CACNG3: variants seen among roughly 807,000 people sequenced by gnomAD.
CACNG3 encodes the protein voltage-dependent calcium channel gamma-3 subunit.
A neutral mutation model predicts 28.5 loss-of-function variants in CACNG3; 3 were observed. The observed-to-expected ratio is 0.11, with a 90% CI of 0.05 to 0.27. CACNG3 has a LOEUF of 0.27. Ranked by LOEUF, CACNG3 falls within the 10% of genes least tolerant of loss-of-function variation. The pLI is 1.00. For synonymous variants in CACNG3, 174 were observed against 162.2 expected, an observed-to-expected ratio of 1.07 and a Z score of -0.55; for missense variants, 236 against 414.4, an observed-to-expected ratio of 0.57 and a Z score of 3.74.
rs557547717 is a variant in CACNG3, at chr16:24,326,152, T to C, written c.212-20582T>C. Among the ~76,000 whole-genome samples, 23 of 146,488 alleles carry C rather than the reference T, an allele frequency of 1.6e-4. No individual in the cohort carries two copies. The South Asian group carries it at 2.7e-3, about 17-fold the overall frequency. On this transcript the variant is annotated intron_variant, in intron 1 of 3. Coordinates refer to ENST00000005284, the MANE Select transcript of CACNG3 (RefSeq NM_006539.4). ...GCCACTCAATGGAAAATAACATTTTTCTTTTTTGTTTTTTCTTTTTTCTTT... is the reference window on the plus strand; with the variant it reads ...GCCACTCAATGGAAAATAACATTTTCCTTTTTTGTTTTTTCTTTTTTCTTT...
Position 24,307,802 on chromosome 16 carries a change from C to G in CACNG3, c.212-38932C>G, listed in dbSNP as rs145702394. On this transcript the variant is annotated intron_variant, in intron 1 of 3. Transcript: ENST00000005284. ...TGCATAACAGAATGGTGGCGTGAAA[C>G]ATGGGGCCAGGGAAGAAATCCTGCC... is the stretch of plus-strand genomic sequence containing the variant. Among the ~76,000 whole-genome samples the G allele has an allele frequency of 2.3e-3, 354 of 152,236 alleles. 2 individuals carry two copies. Among genetic ancestry groups the G allele is most frequent in the African/African-American group, 8.3e-3 (344 of 41,552 alleles).
intron 1 of CACNG3, among the ~76,000 whole-genome samples, chr16:24,330,724 C>T (rs1669781615): frequency 6.6e-6 from 1 of 152,176 alleles, no homozygotes; most frequent in African/African-American, 2.4e-5. Flanking sequence ...CAGCTAAGAC[C>T]CAGGACACTT....
chr16:24,330,771 C>T (rs1899621781), intron 1 of CACNG3, among the ~76,000 whole-genome samples: 1 of 152,180 alleles, frequency 6.6e-6, no homozygotes, highest in Non-Finnish European at 1.5e-5. Context: ...GCTCCAGAAG[C>T]CTCTGTGGTC....
Position 24,256,879 on chromosome 16 carries a change from C to A in CACNG3, c.125C>A (p.Thr42Asn). The A allele has an allele frequency of 6.2e-7, 1 of 1,613,742 alleles. No individual in the cohort carries two copies. Among genetic ancestry groups the A allele is most frequent in the Non-Finnish European group, 8.5e-7 (1 of 1,179,658 alleles). Residue 42 changes from threonine to asparagine, a missense_variant, in exon 1 of 4, where the codon ACT becomes AAT. Thr to Asn is a moderately conservative substitution (Grantham distance 65). Around this residue, in one of 2 missense-constraint regions of CACNG3, gnomAD observed 120 missense variants for 263.4 expected, o/e 0.46. Transcript: ENST00000005284. The surrounding 1 kb of genome is among the most constrained non-coding windows in gnomAD (Gnocchi z 4.6). ...TTATATTCCAGAGGTGTGTGCAGGA[C>A]TAAATCTACAAGTGATAATGAAACC... ...YWLYSRGVCR[T>N]KSTSDNETSR...
chr16:24,288,777 C>A (rs749244998), intron 1 of CACNG3, among the ~76,000 whole-genome samples: 1 of 152,148 alleles, frequency 6.6e-6, no homozygotes, highest in Non-Finnish European at 1.5e-5. Flanking sequence ...GAAAGCAAGG[C>A]TCCCATTTGT....
chr16:24,296,530 A>G (rs1399551789), intron 1 of CACNG3, among the ~76,000 whole-genome samples: 1 of 131,302 alleles, frequency 7.6e-6, no homozygotes, highest in East Asian at 2.1e-4. Flanking sequence ...TCTGGAGAGG[A>G]AGGTCTGGGC....
At chr16:24,346,963 C>T in intron 2 of CACNG3, 146 bp downstream of exon 2, 2 of 635,184 alleles carry the variant, frequency 3.1e-6, no homozygotes, top group South Asian at 3.8e-5. Context: ...TACACAGAGA[C>T]ACTCAAGTGG....
chr16:24,314,196 C>T (rs1461557286), intron 1 of CACNG3, among the ~76,000 whole-genome samples: 1 of 152,098 alleles, frequency 6.6e-6, no homozygotes, highest in East Asian at 1.9e-4. Flanking sequence ...TGAGCAGGAC[C>T]AGTACATAAT....
intron 1 of CACNG3, among the ~76,000 whole-genome samples, chr16:24,282,791 A>G (rs1484797129): frequency 6.6e-6 from 1 of 152,022 alleles, no homozygotes; most frequent in Non-Finnish European, 1.5e-5. Context: ...TGAACCTTCT[A>G]TTCTTTTCTT....
intron 1 of CACNG3, among the ~76,000 whole-genome samples, chr16:24,321,062 T>C (rs1899448635): frequency 6.6e-6 from 1 of 152,158 alleles, no homozygotes; most frequent in Non-Finnish European, 1.5e-5. Flanking sequence ...TGCACACTGT[T>C]CTGAGTAGTG....
intron 1 of CACNG3, among the ~76,000 whole-genome samples, chr16:24,262,637 A>G (rs1898550889): frequency 6.6e-6 from 1 of 152,138 alleles, no homozygotes; most frequent in Non-Finnish European, 1.5e-5. Context: ...AAAACCATTC[A>G]TTCTGATTGT....
intron 1 of CACNG3, among the ~76,000 whole-genome samples, chr16:24,309,044 A>G (rs1194227360): frequency 6.6e-6 from 1 of 152,100 alleles, no homozygotes; most frequent in Non-Finnish European, 1.5e-5. Context: ...ACTAAGACAC[A>G]GATGTGTCAA....
chr16:24,290,097 C>T (rs1462327890), intron 1 of CACNG3, among the ~76,000 whole-genome samples: 12 of 152,240 alleles, frequency 7.9e-5, no homozygotes, highest in Non-Finnish European at 1.5e-4. Context: ...TACTGTAACA[C>T]TCAAAGTCAA....
chr16:24,262,734 C>G (rs1343446910), intron 1 of CACNG3, among the ~76,000 whole-genome samples: 1 of 152,220 alleles, frequency 6.6e-6, no homozygotes, highest in East Asian at 1.9e-4. Context: ...TACTCCTCTT[C>G]TTTCTTCCTC....
chr16:24,310,299 C>T (rs924907981), intron 1 of CACNG3, among the ~76,000 whole-genome samples: 4 of 152,228 alleles, frequency 2.6e-5, no homozygotes, highest in Non-Finnish European at 5.9e-5. Context: ...CACAGTGGCT[C>T]ACGCCTGTAA....
At chr16:24,353,554 A>G (rs1342481043) in intron 2 of CACNG3, among the ~76,000 whole-genome samples, 1 of 152,180 alleles carries the variant, frequency 6.6e-6, no homozygotes, top group East Asian at 1.9e-4. Flanking sequence ...AAGCTGACAC[A>G]GGGACCTCCA....
intron 1 of CACNG3, among the ~76,000 whole-genome samples, chr16:24,267,674 G>T (rs756379641): frequency 5.9e-5 from 9 of 151,756 alleles, no homozygotes; most frequent in Non-Finnish European, 8.8e-5. Context: ...GCATTCATTT[G>T]TTTGTTTGTT....
At chr16:24,257,676 C>T (rs1385473047) in intron 1 of CACNG3, among the ~76,000 whole-genome samples, 1 of 152,132 alleles carries the variant, frequency 6.6e-6, no homozygotes, top group African/African-American at 2.4e-5. Context: ...TTTGTATCCA[C>T]CTGTCTTCAT....
At chr16:24,301,390 C>G (rs1899109338) in intron 1 of CACNG3, among the ~76,000 whole-genome samples, 1 of 152,078 alleles carries the variant, frequency 6.6e-6, no homozygotes, top group African/African-American at 2.4e-5. Context: ...AATCTAGATT[C>G]TGTGGAGGTT....
Sources: gnomAD v4.1 joint callset for allele counts (sites outside exome capture counted in the v4.1 genomes callset) on GRCh38, gnomAD v4.1.1 for gene constraint, gnomAD v4.1.1 regional missense constraint, Gnocchi (gnomAD v3.1) non-coding constraint, MANE v1.5 for transcripts, NCBI Gene and HGNC (gene_info 2026-07-23, HGNC 2026-07-21) for gene names.